Variants in GLDC observed in about 807,000 individuals in gnomAD.
The protein encoded by GLDC is glycine decarboxylase.
A neutral mutation model predicts 121.3 loss-of-function variants in GLDC; 104 were observed. That is an observed-to-expected ratio of 0.86 (90% CI 0.73 to 1.01). GLDC has a LOEUF of 1.01. GLDC is among the 50% of genes least tolerant of loss of function. The probability of loss-of-function intolerance (pLI) is 0.00; values close to 1 mark genes in which losing one functional copy is unlikely to be tolerated. For synonymous variants in GLDC, 546 were observed against 480.6 expected (o/e 1.14, Z -1.78); for missense variants, 1,429 against 1,306.6 (o/e 1.09, Z -1.44).
At chr9:6,590,357 A>T (rs1818352020) in intron 11 of GLDC, among the ~76,000 whole-genome samples, 1 of 152,176 alleles carries the variant, frequency 6.6e-6, no homozygotes, top group African/African-American at 2.4e-5. Flanking sequence ...TATGACTAAT[A>T]CAGATTTAAT....
At chr9:6,617,271 C>A (rs1818984410) in intron 3 of GLDC, among the ~76,000 whole-genome samples, 1 of 152,136 alleles carries the variant, frequency 6.6e-6, no homozygotes. Flanking sequence ...ATTTAAAATG[C>A]ACCTGAAAAG....
At chr9:6,615,263 A>G (rs1818945169) in intron 3 of GLDC, among the ~76,000 whole-genome samples, 1 of 152,140 alleles carries the variant, frequency 6.6e-6, no homozygotes, top group Non-Finnish European at 1.5e-5. Flanking sequence ...TAAAATCCCT[A>G]GCTTTCTGTC....
chr9:6,556,332 TGGAG>T, intron 17 of GLDC, 30 bp from the exon 18 acceptor site: 1 of 1,594,788 alleles, frequency 6.3e-7, no homozygotes, highest in Non-Finnish European at 8.6e-7. Flanking sequence ...GAGAAGGACA[TGGAG>T]GGAGGATATG....
At chr9:6,570,778 C>A (rs113851375) in intron 15 of GLDC, among the ~76,000 whole-genome samples, 4,998 of 147,940 alleles carry the variant, frequency 0.034, 273 homozygotes, top group African/African-American at 0.12. Context: ...CACTTGAACC[C>A]AGCAGGTGGA....
chr9:6,553,284 G>C, intron 20 of GLDC, 84 bp downstream of exon 20: 2 of 1,219,932 alleles, frequency 1.6e-6, no homozygotes, highest in Non-Finnish European at 2.4e-6. Context: ...TTGTTTTTAA[G>C]CCAAGAAGTC....
At chr9:6,549,880 C>A (rs1192069181) in intron 21 of GLDC, among the ~76,000 whole-genome samples, 1 of 152,118 alleles carries the variant, frequency 6.6e-6, no homozygotes. Flanking sequence ...GAATCCCTAC[C>A]CTCCCCTGCT....
rs1259938806 is a variant in GLDC, at chr9:6,645,416, C to A, written c.84G>T (p.Pro28=). 9.4e-5 allele frequency: 127 copies of A among 1,354,578 alleles called. No homozygotes were observed. The highest frequency in any genetic ancestry group is 1.2e-4 in the Non-Finnish European group (122 of 1,056,392). 83.9% of individuals were successfully genotyped at this position (1,354,578 alleles called of 1,614,324 possible). The change falls in exon 1 of 25, where the codon CCG becomes CCT. Residue 28 remains proline, a synonymous_variant. Coordinates refer to ENST00000321612, the MANE Select transcript of GLDC (RefSeq NM_000170.3). ...GGRRLAGGSG[P]CWAPRSRDSS... ...TGTCCCGGCTCCGCGGCGCCCAGCA[C>A]GGCCCCGATCCCCCAGCCAGGCGGC...
chr9:6,588,758 C>T, intron 12 of GLDC, 56 bp from the exon 13 acceptor site: 2 of 1,002,184 alleles, frequency 2.0e-6, no homozygotes, highest in Non-Finnish European at 3.2e-6. Flanking sequence ...AGTCCATGCA[C>T]ATCCTCCTGA....
At chr9:6,554,597 G>C in intron 19 of GLDC, 72 bp downstream of exon 19, 1 of 1,004,472 alleles carries the variant, frequency 1.0e-6, no homozygotes, top group Non-Finnish European at 1.6e-6. Context: ...TTGATGGGAT[G>C]AGTAGTCTAT....
At chr9:6,619,453 C>G (rs984961680) in intron 3 of GLDC, among the ~76,000 whole-genome samples, 2 of 152,018 alleles carry the variant, frequency 1.3e-5, no homozygotes, top group African/African-American at 2.4e-5. Flanking sequence ...AAGGGCCAGG[C>G]GCAGTGGCTC....
intron 2 of GLDC, among the ~76,000 whole-genome samples, chr9:6,622,441 C>G (rs1658946): frequency 0.41 from 58,388 of 141,934 alleles, 12,650 homozygotes; most frequent in African/African-American, 0.56. Flanking sequence ...ACGGGGTTTC[C>G]CTGTGTTGGC....
chr9:6,547,792 CAG>C (rs1391636690), intron 21 of GLDC, among the ~76,000 whole-genome samples: 5 of 152,082 alleles, frequency 3.3e-5, no homozygotes, highest in African/African-American at 1.2e-4. Flanking sequence ...TATTTAGTGA[CAG>C]GGGAAAATGC....
At chr9:6,643,108 A>C (rs920509820) in intron 2 of GLDC, among the ~76,000 whole-genome samples, 1 of 151,932 alleles carries the variant, frequency 6.6e-6, no homozygotes, top group African/African-American at 2.4e-5. Flanking sequence ...ATATTGCCCA[A>C]ACTGGTCTCA....
chr9:6,566,943 G>A (rs1817866682), intron 15 of GLDC, among the ~76,000 whole-genome samples: 1 of 152,134 alleles, frequency 6.6e-6, no homozygotes, highest in Non-Finnish European at 1.5e-5. Flanking sequence ...ATGGCCAACA[G>A]TGACAGATGA....
chr9:6,537,125 G>T (rs1456576900), intron 22 of GLDC, among the ~76,000 whole-genome samples: 1 of 151,620 alleles, frequency 6.6e-6, no homozygotes, highest in East Asian at 1.9e-4. Context: ...CAACCTCCTG[G>T]GCTCAAGTGA....
At chr9:6,605,567 C>A (rs977129812) in intron 5 of GLDC, among the ~76,000 whole-genome samples, 1 of 152,174 alleles carries the variant, frequency 6.6e-6, no homozygotes, top group African/African-American at 2.4e-5. Flanking sequence ...CTTCCTAGGG[C>A]TAATGAGCCA....
Position 6,576,093 on chromosome 9 carries a change from G to C in GLDC, c.1851-10664C>G, listed in dbSNP as rs144284880. Among the ~76,000 whole-genome samples, 4 of 152,292 alleles carry C rather than the reference G, an allele frequency of 2.6e-5. No homozygotes were observed. In the East Asian group the frequency reaches 7.7e-4, roughly 29 times the overall value. ...AACTAGGCAGACCAGTGAAGGCTTGGCTACATCAAGCAAAGTTATCTTGAC... is the reference window on the plus strand; with the variant it reads ...AACTAGGCAGACCAGTGAAGGCTTGCCTACATCAAGCAAAGTTATCTTGAC... On this transcript the variant is annotated intron_variant, in intron 15 of 24. Coordinates refer to ENST00000321612, the MANE Select transcript of GLDC (RefSeq NM_000170.3).
At chr9:6,617,922 A>C (rs567926918) in intron 3 of GLDC, among the ~76,000 whole-genome samples, 39 of 152,320 alleles carry the variant, frequency 2.6e-4, no homozygotes, top group Middle Eastern at 3.4e-3. Context: ...GCATTCCCTT[A>C]AGTAAAGTTG....
intron 18 of GLDC, among the ~76,000 whole-genome samples, chr9:6,555,868 C>T (rs1451204311): frequency 6.6e-6 from 1 of 152,162 alleles, no homozygotes; most frequent in Non-Finnish European, 1.5e-5. Flanking sequence ...CACTCCTCTC[C>T]TGCAGGGGCT....
Sources: allele counts gnomAD v4.1 joint callset (sites outside exome capture counted in the v4.1 genomes callset), GRCh38; gene constraint gnomAD v4.1.1; transcripts MANE v1.5; gene names NCBI Gene and HGNC (gene_info 2026-07-23, HGNC 2026-07-21).